ABCA13: variants seen among roughly 807,000 people sequenced by gnomAD.
ABCA13 encodes the protein ATP-binding cassette sub-family A member 13.
A neutral mutation model predicts 478.7 loss-of-function variants in ABCA13; 476 were observed. That is an observed-to-expected ratio of 0.99 (90% CI 0.92 to 1.07). ABCA13 has a LOEUF of 1.07. ABCA13 is among the 50% of genes least tolerant of loss of function. The pLI, the probability that ABCA13 is intolerant of heterozygous loss-of-function variation, is 0.00. For missense variants in ABCA13, 6,060 were observed against 5,910.6 expected, an observed-to-expected ratio of 1.03 and a Z score of -0.83; for synonymous variants, 2,252 against 2,158.9, an observed-to-expected ratio of 1.04 and a Z score of -1.20.
intron 32 of ABCA13, among the ~76,000 whole-genome samples, chr7:48,368,140 AC>A (rs1434486768): frequency 6.6e-6 from 1 of 152,184 alleles, no homozygotes; most frequent in African/African-American, 2.4e-5. Context: ...AAGAATAGCC[AC>A]ATGAGATTGC....
At chr7:48,276,601 T>C (rs1384721900) in intron 17 of ABCA13, 36 bp downstream of exon 17, 2 of 1,540,086 alleles carry the variant, frequency 1.3e-6, no homozygotes, top group East Asian at 2.3e-5. Flanking sequence ...TATATGCAGT[T>C]GCGATATATC....
At chr7:48,463,942 C>G (rs1826582223) in intron 43 of ABCA13, among the ~76,000 whole-genome samples, 2 of 151,992 alleles carry the variant, frequency 1.3e-5, no homozygotes, top group African/African-American at 4.8e-5. Context: ...TTGGTTTGAT[C>G]CTTGTCTAAA....
intron 7 of ABCA13, among the ~76,000 whole-genome samples, chr7:48,230,735 TAATC>T (rs552704074): frequency 3.2e-4 from 49 of 151,168 alleles, no homozygotes; most frequent in African/African-American, 1.1e-3. Flanking sequence ...ATTCATCCAT[TAATC>T]CATCCATCCG....
At chr7:48,519,505 C>T (rs543984079) in intron 52 of ABCA13, among the ~76,000 whole-genome samples, 1 of 152,268 alleles carries the variant, frequency 6.6e-6, no homozygotes, top group South Asian at 2.1e-4. Context: ...TATATGATGA[C>T]ACATTTTGAT....
chr7:48,549,812 T>A (rs746834023), intron 55 of ABCA13, among the ~76,000 whole-genome samples: 1 of 151,722 alleles, frequency 6.6e-6, no homozygotes, highest in Non-Finnish European at 1.5e-5. Context: ...TCTCTAAGGA[T>A]CAGTGATGTT....
At chr7:48,533,476 A>G (rs914921164) in intron 55 of ABCA13, among the ~76,000 whole-genome samples, 1 of 151,398 alleles carries the variant, frequency 6.6e-6, no homozygotes, top group Non-Finnish European at 1.5e-5. Flanking sequence ...ATTCTGTAGC[A>G]CATGAATGTT....
At chr7:48,558,219 C>G (rs1786066015) in intron 55 of ABCA13, among the ~76,000 whole-genome samples, 2 of 116,864 alleles carry the variant, frequency 1.7e-5, no homozygotes, top group East Asian at 5.2e-4. Flanking sequence ...TTCACTTTCT[C>G]TTTCCCTTTC....
chr7:48,512,064 A>G (rs1046930292), intron 51 of ABCA13, among the ~76,000 whole-genome samples: 1 of 152,040 alleles, frequency 6.6e-6, no homozygotes, highest in African/African-American at 2.4e-5. Flanking sequence ...TAGATAAGAG[A>G]AAGAAAGATA....
At chr7:48,200,969 C>G (rs1316392722) in intron 3 of ABCA13, among the ~76,000 whole-genome samples, 2 of 147,558 alleles carry the variant, frequency 1.4e-5, no homozygotes, top group African/African-American at 2.5e-5. Context: ...CCAAGTCCAG[C>G]GGAGACAAAG....
chr7:48,529,580 G>GTTA (rs1833089988), intron 55 of ABCA13, among the ~76,000 whole-genome samples: 1 of 152,120 alleles, frequency 6.6e-6, no homozygotes, highest in Non-Finnish European at 1.5e-5. Flanking sequence ...TTTAAGAGAG[G>GTTA]TTATATGTTC....
chr7:48,343,725 CTT>C (rs1425548910), intron 29 of ABCA13, among the ~76,000 whole-genome samples: 1 of 151,862 alleles, frequency 6.6e-6, no homozygotes, highest in African/African-American at 2.4e-5. Context: ...AATGTGTAGA[CTT>C]TTTTAAACTT....
rs1014381538 is a variant in ABCA13, at chr7:48,643,424, T to C, written c.14943+31T>C. On this transcript the variant is annotated intron_variant, in intron 60 of 61. Coordinates refer to ENST00000435803, the MANE Select transcript of ABCA13 (RefSeq NM_152701.5). ...GCTAATATCTTGTATTATTTCTTTG[T>C]TTTCAGCTAAAAAAAAATAATAAAT... The C allele has an allele frequency of 5.3e-6, 8 of 1,517,764 alleles. No homozygotes were observed. In the African/African-American group the frequency reaches 1.1e-4, roughly 21 times the overall value. The allele number at this position is 1,517,764 out of a possible 1,614,324, so 94.0% of individuals were successfully genotyped here.
chr7:48,499,487 T>A (rs1359597859), intron 48 of ABCA13, among the ~76,000 whole-genome samples: 3 of 152,188 alleles, frequency 2.0e-5, no homozygotes, highest in African/African-American at 7.2e-5. Flanking sequence ...GCTATCATAA[T>A]GGATATTGGA....
At chr7:48,268,142 C>T (rs956725761) in intron 15 of ABCA13, among the ~76,000 whole-genome samples, 4 of 151,744 alleles carry the variant, frequency 2.6e-5, no homozygotes, top group African/African-American at 9.7e-5. Flanking sequence ...TATCTTTAAT[C>T]CTTTAAAAAA....
intron 3 of ABCA13, among the ~76,000 whole-genome samples, chr7:48,205,290 A>G (rs941148087): frequency 2.6e-5 from 4 of 151,998 alleles, no homozygotes; most frequent in African/African-American, 7.2e-5. Context: ...TTTTACGTCT[A>G]TGTATGGTGA....
intron 35 of ABCA13, among the ~76,000 whole-genome samples, chr7:48,382,811 C>T (rs183784144): frequency 5.5e-4 from 84 of 151,496 alleles, no homozygotes; most frequent in African/African-American, 1.9e-3. Flanking sequence ...CATAAGAAGG[C>T]GCAGTCTCTG....
At chr7:48,237,723 C>T (rs935787506) in intron 8 of ABCA13, among the ~76,000 whole-genome samples, 6 of 152,210 alleles carry the variant, frequency 3.9e-5, no homozygotes, top group African/African-American at 1.4e-4. Flanking sequence ...CTGCCTCTGC[C>T]TCCTGAATTG....
intron 49 of ABCA13, 55 bp downstream of exon 49, chr7:48,506,445 T>C: frequency 6.3e-6 from 10 of 1,589,290 alleles, no homozygotes; most frequent in Non-Finnish European, 8.6e-6. Context: ...AGAAAATCTT[T>C]GTGTTACTTA....
intron 24 of ABCA13, among the ~76,000 whole-genome samples, chr7:48,311,785 T>C (rs187407249): frequency 2.2e-4 from 34 of 152,346 alleles, no homozygotes; most frequent in African/African-American, 7.7e-4. Context: ...CCGACCTCCA[T>C]GTGAGGGCCA....
Sources: gnomAD v4.1 joint callset for allele counts (sites outside exome capture counted in the v4.1 genomes callset) on GRCh38, gnomAD v4.1.1 for gene constraint, MANE v1.5 for transcripts, NCBI Gene and HGNC (gene_info 2026-07-23, HGNC 2026-07-21) for gene names.